The following IL7 variants were observed in gnomAD, a reference collection of about 807,000 sequenced individuals.
IL7 encodes interleukin 7.
In IL7, 3 loss-of-function variants were observed where a neutral mutation model predicts 21.6. The ratio of observed to expected loss-of-function variants is 0.14; its 90% confidence interval spans 0.06 to 0.36. IL7 has a LOEUF of 0.36. Ranked by LOEUF, IL7 falls within the 10% of genes least tolerant of loss-of-function variation. The probability of loss-of-function intolerance (pLI) is 1.00; values close to 1 mark genes in which losing one functional copy is unlikely to be tolerated. For missense variants in IL7, 175 were observed against 200.2 expected (o/e 0.87, Z 0.76); for synonymous variants, 62 against 68.1 (o/e 0.91, Z 0.44).
chr8:78,712,220 A>G (rs1483346176), intron 3 of IL7: 1 of 467,418 alleles, frequency 2.1e-6, no homozygotes, highest in Non-Finnish European at 3.4e-6. Flanking sequence ...CTGTTGAATA[A>G]TTTCTAAGCC....
intron 2 of IL7, among the ~76,000 whole-genome samples, chr8:78,753,175 T>C (rs763761963): frequency 3.9e-5 from 6 of 152,228 alleles, no homozygotes; most frequent in Non-Finnish European, 7.3e-5. Context: ...TCCACAATGG[T>C]TGAACTAATT....
At chr8:78,784,912 G>A (rs1179596492) in intron 2 of IL7, among the ~76,000 whole-genome samples, 1 of 151,714 alleles carries the variant, frequency 6.6e-6, no homozygotes, top group Non-Finnish European at 1.5e-5. Context: ...GTGTTCTATT[G>A]CCTAAATTCT....
At chr8:78,772,318 A>T (rs1453818190) in intron 2 of IL7, among the ~76,000 whole-genome samples, 1 of 152,180 alleles carries the variant, frequency 6.6e-6, no homozygotes, top group Non-Finnish European at 1.5e-5. Context: ...TTATTTTCTG[A>T]ATCCTAAGCC....
chr8:78,761,707 C>A, intron 2 of IL7: 1 of 1,611,906 alleles, frequency 6.2e-7, no homozygotes, highest in South Asian at 1.1e-5. Context: ...TCTCACAGAT[C>A]TCTAGCATCT....
intron 3 of IL7, among the ~76,000 whole-genome samples, chr8:78,708,379 A>G (rs1176250114): frequency 6.6e-6 from 1 of 152,136 alleles, no homozygotes; most frequent in Non-Finnish European, 1.5e-5. Flanking sequence ...GTTTGCTTCT[A>G]GACAGTTTGT....
At chr8:78,777,580 T>G (rs1430236583) in intron 2 of IL7, among the ~76,000 whole-genome samples, 1 of 152,070 alleles carries the variant, frequency 6.6e-6, no homozygotes, top group Non-Finnish European at 1.5e-5. Flanking sequence ...ATGCAAGAAC[T>G]ATATTTTATC....
At chr8:78,682,296 T>C (rs1393095928) in intron 4 of IL7, among the ~76,000 whole-genome samples, 1 of 151,244 alleles carries the variant, frequency 6.6e-6, no homozygotes, top group Non-Finnish European at 1.5e-5. Context: ...ATTGGATGCA[T>C]AGATGTATTA....
At chr8:78,763,454 T>C (rs1342950819) in intron 2 of IL7, among the ~76,000 whole-genome samples, 1 of 152,170 alleles carries the variant, frequency 6.6e-6, no homozygotes, top group African/African-American at 2.4e-5. Flanking sequence ...TTTAGATTGG[T>C]ATTAAGTGAA....
downstream of IL7, among the ~76,000 whole-genome samples, chr8:78,730,322 T>C (rs1191438020): frequency 6.6e-6 from 1 of 152,008 alleles, no homozygotes; most frequent in African/African-American, 2.4e-5. Context: ...TATGACTGCA[T>C]GTATTTTTAT....
chr8:78,774,670 G>A (rs1813073402), intron 2 of IL7, among the ~76,000 whole-genome samples: 1 of 151,764 alleles, frequency 6.6e-6, no homozygotes, highest in South Asian at 2.1e-4. Flanking sequence ...ATAAAACAAT[G>A]GCAGAAATAG....
intron 2 of IL7, among the ~76,000 whole-genome samples, chr8:78,769,726 A>C (rs1812888214): frequency 6.6e-6 from 1 of 152,220 alleles, no homozygotes. Flanking sequence ...CACATCGCCA[A>C]GTCAAACCTA....
chr8:78,682,223 GAGA>G (rs1809810754), intron 4 of IL7, among the ~76,000 whole-genome samples: 2 of 152,126 alleles, frequency 1.3e-5, no homozygotes, highest in African/African-American at 4.8e-5. Context: ...TAAAATCAAG[GAGA>G]AGGTTAAACT....
At chr8:78,785,458 T>C (rs1338693613) in intron 2 of IL7, among the ~76,000 whole-genome samples, 1 of 152,226 alleles carries the variant, frequency 6.6e-6, no homozygotes, top group Non-Finnish European at 1.5e-5. Context: ...GCTAACACTT[T>C]TGTCACATCT....
At chr8:78,782,531 A>G (rs1301383364) in intron 2 of IL7, among the ~76,000 whole-genome samples, 1 of 151,856 alleles carries the variant, frequency 6.6e-6, no homozygotes. Flanking sequence ...GGTCTCTCCC[A>G]CCCCTGGGGG....
At chr8:78,787,134 C>G (rs2130821045) in intron 2 of IL7, among the ~76,000 whole-genome samples, 1 of 152,276 alleles carries the variant, frequency 6.6e-6, no homozygotes, top group Non-Finnish European at 1.5e-5. Context: ...ATTAGTATTT[C>G]CCCAAGTTCT....
intron 3 of IL7, among the ~76,000 whole-genome samples, chr8:78,687,506 TTA>T (rs568057552): frequency 1.4e-5 from 2 of 142,498 alleles, no homozygotes; most frequent in African/African-American, 2.6e-5. Flanking sequence ...ATATAATAAA[TTA>T]TATATATTTA....
intron 1 of IL7, among the ~76,000 whole-genome samples, chr8:78,802,284 A>G (rs1814090534): frequency 6.6e-6 from 1 of 152,196 alleles, no homozygotes; most frequent in Admixed American, 6.5e-5. Context: ...CTGAATGTCC[A>G]TTGCATAGAC....
At chr8:78,785,934 G>A (rs993668754) in intron 2 of IL7, among the ~76,000 whole-genome samples, 1 of 152,178 alleles carries the variant, frequency 6.6e-6, no homozygotes, top group Admixed American at 6.5e-5. Flanking sequence ...AGTGCACTGA[G>A]AAGTGGGAAA....
downstream of IL7, among the ~76,000 whole-genome samples, chr8:78,732,374 C>T (rs1415588483): frequency 1.3e-5 from 2 of 152,000 alleles, no homozygotes; most frequent in Non-Finnish European, 2.9e-5. Context: ...TGAGAGAAGG[C>T]AGGAAGGTGT....
Sources: allele counts gnomAD v4.1 joint callset (sites outside exome capture counted in the v4.1 genomes callset), GRCh38; gene constraint gnomAD v4.1.1; transcripts MANE v1.5; gene names NCBI Gene and HGNC (gene_info 2026-07-23, HGNC 2026-07-21).